Variants in SHISA5 observed in about 807,000 individuals in gnomAD.
The protein encoded by SHISA5 is shisa family member 5.
SHISA5 carries 21 observed loss-of-function variants against 27.5 expected under a neutral mutation model. The ratio of observed to expected loss-of-function variants is 0.76; its 90% CI spans 0.54 to 1.10. SHISA5 has a LOEUF of 1.10. SHISA5 is among the 50% of genes least tolerant of loss of function. SHISA5 has a pLI of 0.00. For missense variants in SHISA5, 314 were observed against 336.3 expected, an observed-to-expected ratio of 0.93 and a Z score of 0.52; for synonymous variants, 137 against 142.2, an observed-to-expected ratio of 0.96 and a Z score of 0.26.
intron 2 of SHISA5, among the ~76,000 whole-genome samples, chr3:48,482,650 T>C (rs1575317040): frequency 6.6e-6 from 1 of 152,238 alleles, no homozygotes; most frequent in South Asian, 2.1e-4. Flanking sequence ...TTTTTTTTTT[T>C]TGAGACAGAG....
In SHISA5 at chr3:48,493,064, G is replaced by C. The variant is rs887385551; in HGVS notation, c.233+8073C>G. Reference sequence around the variant, plus strand: ...CTCATGTTTCACTAAGGATATGCTGGGCCATAAAATGTACTGAAATCTTGA... The same window carrying C: ...CTCATGTTTCACTAAGGATATGCTGCGCCATAAAATGTACTGAAATCTTGA... On this transcript the variant is annotated intron_variant, in intron 2 of 5. Coordinates refer to ENST00000296444, the MANE Select transcript of SHISA5 (RefSeq NM_016479.6). Among the ~76,000 whole-genome samples, 35 of 147,308 alleles carry C rather than the reference G, an allele frequency of 2.4e-4. 4 individuals are homozygous for C. Among genetic ancestry groups the C allele is most frequent in the Non-Finnish European group, 4.6e-4 (31 of 67,856 alleles).
intron 3 of SHISA5, among the ~76,000 whole-genome samples, chr3:48,475,395 G>A (rs952604638): frequency 3.9e-5 from 6 of 152,132 alleles, no homozygotes; most frequent in Non-Finnish European, 7.4e-5. Context: ...CAGCCACCCC[G>A]GCAGGGAGTT....
At position 48,473,284 on chromosome 3, in the gene SHISA5, C is replaced by G; in HGVS notation, c.315-3441G>C. ...GGAAGCAGAGGTGCCCCATTTGCCT[C>G]CCAGAGCTGCCTCCCTGAGCCAAGC... is the stretch of plus-strand genomic sequence containing the variant. On this transcript the variant is annotated intron_variant, in intron 3 of 5. Coordinates refer to ENST00000296444, the MANE Select transcript of SHISA5 (RefSeq NM_016479.6). The surrounding 1 kb of genome is among the most constrained non-coding windows in gnomAD (Gnocchi z 4.3). The G allele has an allele frequency of 7.2e-7, 1 of 1,395,694 alleles. No individual in the cohort carries two copies. Among genetic ancestry groups the G allele is most frequent in the Non-Finnish European group, 9.3e-7 (1 of 1,070,940 alleles). 86.5% of individuals were successfully genotyped at this position (1,395,694 alleles called of 1,614,324 possible).
intron 3 of SHISA5, chr3:48,472,962 TCA>T (rs1400718871): frequency 5.3e-6 from 8 of 1,500,606 alleles, no homozygotes; most frequent in Non-Finnish European, 7.2e-6. Context: ...CAGAGATCTC[TCA>T]GTGTTTGTCT....
intron 2 of SHISA5, among the ~76,000 whole-genome samples, chr3:48,498,766 C>A (rs1262968192): frequency 1.3e-5 from 2 of 148,896 alleles, no homozygotes; most frequent in Non-Finnish European, 3.0e-5. Context: ...AAAAACAAAT[C>A]GAAACAATAC....
chr3:48,493,520 ATTCTTTTTTTT>A (rs1360493405), intron 2 of SHISA5, among the ~76,000 whole-genome samples: 1 of 86,622 alleles, frequency 1.2e-5, no homozygotes, highest in African/African-American at 5.8e-5. Flanking sequence ...GCCATGATCT[ATTCTTTTTTTT>A]TTTTTTTTTT....
At chr3:48,488,704 A>G (rs2041328126) in intron 2 of SHISA5, among the ~76,000 whole-genome samples, 2 of 150,400 alleles carry the variant, frequency 1.3e-5, no homozygotes, top group South Asian at 2.1e-4. Flanking sequence ...GTGGTGGCAC[A>G]TGCCTGTAAT....
intron 2 of SHISA5, among the ~76,000 whole-genome samples, chr3:48,497,906 A>G (rs74683923): frequency 0.012 from 1,780 of 150,554 alleles, 35 homozygotes; most frequent in African/African-American, 0.042. Context: ...AAAAGAAGAG[A>G]GAGAGAGAGA....
At chr3:48,478,389 G>T (rs1478069472) in intron 3 of SHISA5, among the ~76,000 whole-genome samples, 1 of 152,144 alleles carries the variant, frequency 6.6e-6, no homozygotes, top group African/African-American at 2.4e-5. Context: ...AGAGCCCAAG[G>T]TCTCTTCCTC....
At chr3:48,472,964 A>G (rs145143425) in intron 3 of SHISA5, 48 of 1,488,472 alleles carry the variant, frequency 3.2e-5, no homozygotes, top group Admixed American at 3.9e-5. Flanking sequence ...GAGATCTCTC[A>G]GTGTTTGTCT....
chr3:48,479,473 T>C, intron 2 of SHISA5: 1 of 559,224 alleles, frequency 1.8e-6, no homozygotes, highest in South Asian at 2.4e-5. Context: ...AGAGAACATA[T>C]GTTAGGCCAC....
Position 48,468,593 on chromosome 3 carries a change from A to G in SHISA5, c.*514T>C. On this transcript the variant is annotated 3_prime_UTR_variant, in exon 6 of 6. Transcript: ENST00000296444. The stretch of plus-strand genomic sequence containing the variant: ...TGGCCAGATCCCAAGCTTCGCCTGC[A>G]TCATGTCCCTGGCTCTGCAACGGGT... 1 of 1,191,890 alleles carries G rather than the reference A, an allele frequency of 8.4e-7. No homozygotes were observed. The allele number at this position is 1,191,890 out of a possible 1,614,324, so 73.8% of individuals were successfully genotyped here. A position where few individuals can be genotyped will look rare whatever the true frequency, so the allele number is the denominator to read the frequency against.
chr3:48,494,194 G>T (rs1167458875), intron 2 of SHISA5, among the ~76,000 whole-genome samples: 1 of 147,106 alleles, frequency 6.8e-6, no homozygotes, highest in South Asian at 2.1e-4. Flanking sequence ...CCACATATAA[G>T]TGAGATGGTG....
chr3:48,493,378 T>C (rs2041480420), intron 2 of SHISA5, among the ~76,000 whole-genome samples: 2 of 146,562 alleles, frequency 1.4e-5, no homozygotes, highest in Non-Finnish European at 3.0e-5. Context: ...TGCAGTGAGC[T>C]GAGACTGTGC....
At chr3:48,488,556 G>A (rs1329099437) in intron 2 of SHISA5, among the ~76,000 whole-genome samples, 4 of 146,316 alleles carry the variant, frequency 2.7e-5, no homozygotes, top group Admixed American at 6.7e-5. Context: ...TGAAAAGGCC[G>A]GGCGCGGTGG....
chr3:48,497,069 A>C (rs970699969), intron 2 of SHISA5, among the ~76,000 whole-genome samples: 2 of 151,088 alleles, frequency 1.3e-5, no homozygotes, highest in African/African-American at 4.9e-5. Context: ...ATCTCTATTA[A>C]AAATACAAAA....
intron 1 of SHISA5, 66 bp downstream of exon 1, chr3:48,503,953 G>A: frequency 7.0e-7 from 1 of 1,430,402 alleles, no homozygotes; most frequent in Non-Finnish European, 9.2e-7. Context: ...GCTCGTTGGA[G>A]AGGCAGCGCG....
Position 48,497,770 on chromosome 3 carries a change from C to A in SHISA5, c.233+3367G>T, listed in dbSNP as rs376506589. Among the ~76,000 whole-genome samples, 13 of 151,904 alleles carry A rather than the reference C, an allele frequency of 8.6e-5. No individual in the cohort carries two copies. In the East Asian group the frequency reaches 1.9e-3, roughly 23 times the overall value. ...AGGCATGGTGGCAGGCACCTGTAATCCCAGCTACTTGGAAAGCTGAGGTAG... is the reference window on the plus strand; with the variant it reads ...AGGCATGGTGGCAGGCACCTGTAATACCAGCTACTTGGAAAGCTGAGGTAG... On this transcript the variant is annotated intron_variant, in intron 2 of 5. Transcript: ENST00000296444.
At chr3:48,485,565 A>T (rs896081382) in intron 2 of SHISA5, among the ~76,000 whole-genome samples, 4 of 144,294 alleles carry the variant, frequency 2.8e-5, no homozygotes, top group Admixed American at 7.1e-5. Context: ...TATTATATAT[A>T]ATATATATTC....
Sources: allele counts gnomAD v4.1 joint callset (sites outside exome capture counted in the v4.1 genomes callset), GRCh38; gene constraint gnomAD v4.1.1; non-coding constraint Gnocchi (gnomAD v3.1); transcripts MANE v1.5; gene names NCBI Gene and HGNC (gene_info 2026-07-23, HGNC 2026-07-21).